BBS9: variants seen among roughly 807,000 people sequenced by gnomAD.
The protein encoded by BBS9 is Bardet-Biedl syndrome 9.
Under a neutral mutation model 117.7 loss-of-function variants are expected in BBS9, and 89 were observed. The ratio of observed to expected loss-of-function variants is 0.76; its 90% CI spans 0.64 to 0.90. The LOEUF (loss-of-function observed/expected upper bound fraction) is 0.90, where lower values mean the gene tolerates loss of function less well. Ranked by LOEUF, BBS9 falls within the 40% of genes least tolerant of loss-of-function variation. The pLI is 0.00. For synonymous variants in BBS9, 379 were observed against 370.9 expected (o/e 1.02, Z -0.25); for missense variants, 982 against 1,042.2 (o/e 0.94, Z 0.80).
intron 9 of BBS9, among the ~76,000 whole-genome samples, chr7:33,284,446 T>C (rs527491905): frequency 3.3e-5 from 5 of 152,292 alleles, no homozygotes; most frequent in African/African-American, 1.2e-4. Flanking sequence ...TTCTTTATGT[T>C]TGATTGCTTG....
At chr7:33,330,716 C>G (rs1039786147) in intron 9 of BBS9, among the ~76,000 whole-genome samples, 33 of 152,076 alleles carry the variant, frequency 2.2e-4, no homozygotes, top group African/African-American at 8.0e-4. Context: ...AATTTCATGC[C>G]CCATTGCTGA....
Position 33,357,929 on chromosome 7 carries a change from A to T in BBS9, c.1627A>T (p.Thr543Ser). ...LICLPGQPSK[T>S]ASHKITIDTN... ...TTGCCTACCAGGTCAGCCTTCAAAA[A>T]CTGCAAGCCACAAAATTACTATTGA... The change falls in exon 16 of 23, where the codon ACT (threonine) becomes TCT (serine). Residue 543 changes from threonine (T) to serine (S), a missense_variant. Thr to Ser is a moderately conservative substitution (Grantham distance 58). Transcript: ENST00000242067. 3 of 1,612,598 alleles carry T rather than the reference A, an allele frequency of 1.9e-6. No homozygotes were observed. The highest frequency in any genetic ancestry group is 2.5e-6 in the Non-Finnish European group (3 of 1,178,916).
rs527950846 is a variant in BBS9 at position 33,522,016 on chromosome 7, G to A, written c.2299-11938G>A. 1.9e-3 allele frequency among the ~76,000 whole-genome samples: 292 copies of A among 150,772 alleles called. 2 individuals are homozygous for A. The highest frequency in any genetic ancestry group is 6.7e-3 in the African/African-American group (276 of 41,052). On this transcript the variant is annotated intron_variant, in intron 20 of 22. Coordinates refer to ENST00000242067, the MANE Select transcript of BBS9 (RefSeq NM_198428.3). ...GCGGTGTTTGGTTTTTTGTTCTCGC[G>A]ATAGTTTACTGAGAATGATGATTTC... is the stretch of plus-strand genomic sequence containing the variant.
chr7:33,552,761 A>G (rs1854637320), intron 21 of BBS9, among the ~76,000 whole-genome samples: 2 of 152,296 alleles, frequency 1.3e-5, no homozygotes, highest in South Asian at 4.1e-4. Flanking sequence ...AATCAAAGCA[A>G]ACTGCCCTTC....
At chr7:33,488,137 C>T (rs540106274) in intron 19 of BBS9, among the ~76,000 whole-genome samples, 2 of 152,206 alleles carry the variant, frequency 1.3e-5, no homozygotes, top group African/African-American at 4.8e-5. Flanking sequence ...ATTCATGCTT[C>T]CTCATATTAA....
At chr7:33,191,099 G>A (rs1028369380) in intron 5 of BBS9, among the ~76,000 whole-genome samples, 8 of 152,182 alleles carry the variant, frequency 5.3e-5, no homozygotes, top group Non-Finnish European at 1.0e-4. Context: ...GCTTTCTGGG[G>A]AGAGAGGACC....
intron 21 of BBS9, among the ~76,000 whole-genome samples, chr7:33,536,681 T>TCCCCCCGCCCCCTGCCTGCCCCCCGCCTA (rs1563323310): frequency 9.0e-5 from 4 of 44,208 alleles, no homozygotes; most frequent in Non-Finnish European, 1.9e-4. Flanking sequence ...GATTCGGCCT[T>TCCCCCCGCCCCCTGCCTGCCCCCCGCCTA]CCCCCCGCCC....
chr7:33,187,133 A>G (rs1783264213), intron 5 of BBS9, among the ~76,000 whole-genome samples: 1 of 152,254 alleles, frequency 6.6e-6, no homozygotes, highest in Non-Finnish European at 1.5e-5. Flanking sequence ...TGCCATTTCA[A>G]AATAATATTT....
intron 20 of BBS9, among the ~76,000 whole-genome samples, chr7:33,533,165 G>A (rs900325712): frequency 6.6e-6 from 1 of 152,116 alleles, no homozygotes. Context: ...CCACCTGAGG[G>A]TGGTGCCTCC....
intron 20 of BBS9, among the ~76,000 whole-genome samples, chr7:33,510,495 T>G (rs1846784232): frequency 6.6e-6 from 1 of 152,044 alleles, no homozygotes; most frequent in Non-Finnish European, 1.5e-5. Context: ...CAAATCTCTT[T>G]ACTCATTTAT....
intron 16 of BBS9, among the ~76,000 whole-genome samples, chr7:33,366,865 C>A (rs1390504427): frequency 6.6e-6 from 1 of 152,032 alleles, no homozygotes; most frequent in Admixed American, 6.6e-5. Flanking sequence ...TTCTCTGTCA[C>A]TTTGTCTGTA....
intron 2 of BBS9, among the ~76,000 whole-genome samples, chr7:33,147,852 C>T (rs1028861423): frequency 6.6e-6 from 1 of 151,600 alleles, no homozygotes; most frequent in African/African-American, 2.4e-5. Context: ...TGAGCAGCTT[C>T]CTCTGTTTTC....
chr7:33,220,034 G>A (rs1789933758), intron 5 of BBS9, among the ~76,000 whole-genome samples: 2 of 152,062 alleles, frequency 1.3e-5, no homozygotes, highest in South Asian at 4.2e-4. Context: ...CGGACACGCC[G>A]CCTTTAAGAA....
chr7:33,138,783 C>T (rs1790989946), intron 1 of BBS9, among the ~76,000 whole-genome samples: 1 of 150,438 alleles, frequency 6.6e-6, no homozygotes, highest in South Asian at 2.1e-4. Context: ...AAGATGGGGT[C>T]TTGCTATGTT....
At chr7:33,270,483 A>G (rs1799608661) in intron 7 of BBS9, among the ~76,000 whole-genome samples, 1 of 152,212 alleles carries the variant, frequency 6.6e-6, no homozygotes, top group Non-Finnish European at 1.5e-5. Context: ...ATGATACAAG[A>G]GCTGACAGAC....
rs533733060 is a variant in BBS9, at chr7:33,595,131, G to A, written c.2522-9734G>A. Among the ~76,000 whole-genome samples, 7 of 152,248 alleles carry A rather than the reference G, an allele frequency of 4.6e-5. No individual in the cohort carries two copies. In the East Asian group the frequency reaches 1.2e-3, roughly 25 times the overall value. ...GCAATAGCATTCAAGACATAGGCATGGGCAAAGACTTCATGACAAAACCGC... is the reference window on the plus strand; with the variant it reads ...GCAATAGCATTCAAGACATAGGCATAGGCAAAGACTTCATGACAAAACCGC... On this transcript the variant is annotated intron_variant, in intron 21 of 22. Transcript: ENST00000242067.
At chr7:33,393,724 T>A (rs762029866) in intron 19 of BBS9, among the ~76,000 whole-genome samples, 1 of 152,154 alleles carries the variant, frequency 6.6e-6, no homozygotes, top group African/African-American at 2.4e-5. Context: ...ACAAACATAT[T>A]GGTTAATCGG....
At chr7:33,294,543 C>T (rs1804868766) in intron 9 of BBS9, among the ~76,000 whole-genome samples, 2 of 152,064 alleles carry the variant, frequency 1.3e-5, no homozygotes, top group Admixed American at 1.3e-4. Context: ...CAGCATCTGC[C>T]CTCTCCCTTT....
chr7:33,580,264 A>G (rs896194), intron 21 of BBS9, among the ~76,000 whole-genome samples: 53,870 of 150,998 alleles, frequency 0.36, 13,977 homozygotes, highest in African/African-American at 0.73. Context: ...ATGTAGCTCA[A>G]TTAGCCCGGG....
Sources: gnomAD v4.1 joint callset for allele counts (sites outside exome capture counted in the v4.1 genomes callset) on GRCh38, gnomAD v4.1.1 for gene constraint, MANE v1.5 for transcripts, NCBI Gene and HGNC (gene_info 2026-07-23, HGNC 2026-07-21) for gene names.